DNAH1: variants seen among roughly 807,000 people sequenced by gnomAD.
The protein encoded by DNAH1 is dynein axonemal heavy chain 1.
DNAH1 carries 327 observed loss-of-function variants against 484.3 expected under a neutral mutation model. The observed-to-expected ratio is 0.68, with a 90% CI of 0.62 to 0.74. The LOEUF is 0.74. DNAH1 is among the 30% of genes least tolerant of loss of function. DNAH1 has a pLI of 0.00. For synonymous variants in DNAH1, 2,192 were observed against 2,191.9 expected, an observed-to-expected ratio of 1.00 and a Z score of 0.00; for missense variants, 5,052 against 5,546.8, an observed-to-expected ratio of 0.91 and a Z score of 2.83.
rs570044937 is a variant in DNAH1 at position 52,368,773 on chromosome 3, C to T, written c.5798C>T (p.Ala1933Val). 6.8e-6 allele frequency: 11 copies of T among 1,613,884 alleles called. No homozygotes were observed. The highest frequency in any genetic ancestry group is 2.7e-5 in the African/African-American group (2 of 75,032). Reference protein sequence around the residue: ...TDGIFSSFIRAGAITSDTNKK... With the variant: ...TDGIFSSFIRVGAITSDTNKK... The stretch of plus-strand genomic sequence containing the variant: ...GGGATATTCTCCTCGTTCATCCGGG[C>T]GGGGGCCATCACCTCCGACACCAAC... The change falls in exon 37 of 78, where the codon GCG (alanine) becomes GTG (valine). Residue 1933 changes from alanine to valine, a missense_variant. By Grantham distance (64) the Ala-to-Val change is moderately conservative. Around this residue, in one of 4 missense-constraint regions of DNAH1, gnomAD observed 2,929 missense variants for 3,409.4 expected, o/e 0.86. Transcript: ENST00000420323. The surrounding 1 kb of genome is among the most constrained non-coding windows in gnomAD (Gnocchi z 4.4).
chr3:52,383,695 G>A lies in DNAH1; in HGVS notation c.8150+101G>A, dbSNP rs531276614. 4.5e-5 allele frequency: 64 copies of A among 1,416,638 alleles called. No homozygotes were observed. In the African/African-American group the frequency reaches 8.9e-4, roughly 20 times the overall value. 87.8% of individuals were successfully genotyped at this position (1,416,638 alleles called of 1,614,324 possible). ...GATGCCATGCGCTGGGGCCTGAGAT[G>A]AGGAGACGCGGCCCTGGGCCTGGCC... On this transcript the variant is annotated intron_variant, in intron 51 of 77. Coordinates refer to ENST00000420323, the MANE Select transcript of DNAH1 (RefSeq NM_015512.5).
At chr3:52,356,886 C>A in intron 22 of DNAH1, 108 bp downstream of exon 22, 1 of 1,358,440 alleles carries the variant, frequency 7.4e-7, no homozygotes, top group Non-Finnish European at 1.0e-6. Flanking sequence ...GGCTGGTGGA[C>A]AAGCCTGAGG....
intron 37 of DNAH1, 51 bp from the exon 38 acceptor site, chr3:52,369,774 A>G: frequency 3.8e-6 from 6 of 1,558,914 alleles, no homozygotes; most frequent in South Asian, 1.2e-5. Context: ...CCCTTTCTCC[A>G]GGCCTGAGGA....
At position 52,316,559 on chromosome 3, in the gene DNAH1, C is replaced by T. The variant is rs1386575871; in HGVS notation, c.-35+14C>T. On this transcript the variant is annotated intron_variant, in intron 1 of 77. Transcript: ENST00000420323. ...AGGTCTTGAAGGGTGAGTAGGAGTC[C>T]GCCAGATGCAGGAGTGGATGGAGAC... is the stretch of plus-strand genomic sequence containing the variant. 1 of 152,190 alleles carries T rather than the reference C, an allele frequency of 6.6e-6. No individual in the cohort carries two copies. Among genetic ancestry groups the T allele is most frequent in the Admixed American group, 6.5e-5 (1 of 15,272 alleles). 9.4% of individuals were successfully genotyped at this position (152,190 alleles called of 1,614,324 possible).
Position 52,359,234 on chromosome 3 carries a change from C to T in DNAH1, c.4267-12C>T, listed in dbSNP as rs745613097. 1.3e-6 allele frequency: 2 copies of T among 1,562,112 alleles called. No homozygotes were observed. The highest frequency in any genetic ancestry group is 1.7e-6 in the Non-Finnish European group (2 of 1,152,568). On this transcript the variant is annotated splice_polypyrimidine_tract_variant and intron_variant, in intron 25 of 77. Transcript: ENST00000420323. The stretch of plus-strand genomic sequence containing the variant: ...GGCTGTCCAGGTCAGCCTGCCCATG[C>T]TGTCTTCCCAGATGCCCAGGACCCA...
rs1355914891 is a variant in DNAH1, at chr3:52,344,353, G to T, written c.1287-137G>T. ...GGAGGTTAGTGGCTCAGGGCCGGGT[G>T]GGGGTGTGCCCATGAATCCAGAAGG... On this transcript the variant is annotated intron_variant, in intron 8 of 77. Transcript: ENST00000420323. The T allele has an allele frequency of 3.8e-6, 4 of 1,040,748 alleles. No individual in the cohort carries two copies. The African/African-American group carries it at 4.8e-5, about 13-fold the overall frequency. 64.5% of individuals were successfully genotyped at this position (1,040,748 alleles called of 1,614,324 possible).
Position 52,357,745 on chromosome 3 carries a change from A to G in DNAH1, c.3980+10A>G. On this transcript the variant is annotated intron_variant, in intron 23 of 77. Coordinates refer to ENST00000420323, the MANE Select transcript of DNAH1 (RefSeq NM_015512.5). Reference sequence around the variant, plus strand: ...GGAGCGCCTTCCCCAGGTGGGCGCCACCTGGCCATGCCCACTCCGCCACTG... The same window carrying G: ...GGAGCGCCTTCCCCAGGTGGGCGCCGCCTGGCCATGCCCACTCCGCCACTG... The G allele has an allele frequency of 1.3e-6, 2 of 1,573,210 alleles. No homozygotes were observed. Among genetic ancestry groups the G allele is most frequent in the Non-Finnish European group, 1.7e-6 (2 of 1,159,396 alleles).
intron 3 of DNAH1, among the ~76,000 whole-genome samples, chr3:52,325,900 G>T (rs1229357790): frequency 1.3e-5 from 2 of 152,130 alleles, no homozygotes; most frequent in African/African-American, 4.8e-5. Context: ...TGCTGGCTCT[G>T]GACAGGGAGA....
At chr3:52,388,754 C>T (rs765039898) in intron 58 of DNAH1, 52 bp from the exon 59 acceptor site, 1 of 1,608,670 alleles carries the variant, frequency 6.2e-7, no homozygotes, top group South Asian at 1.1e-5. Context: ...GGGCCAGCCC[C>T]AGGCCCCTAG....
chr3:52,369,962 T>C lies in DNAH1; in HGVS notation c.6081T>C (p.Pro2027=). ...TCGAGTGCTGGCTGAGGAAGCTGCCTCCCTTGCTGAAGCCCTATGAGGAGC... is the reference window on the plus strand; with the variant it reads ...TCGAGTGCTGGCTGAGGAAGCTGCCCCCCTTGCTGAAGCCCTATGAGGAGC... ...PFIECWLRKL[P]PLLKPYEEHF... The change falls in exon 38 of 78, where the codon CCT becomes CCC. Residue 2027 remains proline (P), a synonymous_variant. Coordinates refer to ENST00000420323, the MANE Select transcript of DNAH1 (RefSeq NM_015512.5). 6.2e-7 allele frequency: 1 copy of C among 1,613,958 alleles called. No individual in the cohort carries two copies. The highest frequency in any genetic ancestry group is 8.5e-7 in the Non-Finnish European group (1 of 1,179,888).
intron 14 of DNAH1, 109 bp downstream of exon 14, chr3:52,349,529 C>T: frequency 9.5e-7 from 1 of 1,050,192 alleles, no homozygotes; most frequent in South Asian, 1.5e-5. Flanking sequence ...TCTGGGGTGT[C>T]TGTGGATGCC....
Position 52,370,591 on chromosome 3 carries a change from A to C in DNAH1, c.6373A>C (p.Thr2125Pro), listed in dbSNP as rs1578158970. Residue 2125 changes from threonine (T) to proline (P), a missense_variant, in exon 40 of 78, where the codon ACC (threonine) becomes CCC (proline). Thr to Pro is a conservative substitution (Grantham distance 38, BLOSUM62 -1). Around this residue, in one of 4 missense-constraint regions of DNAH1, gnomAD observed 2,929 missense variants for 3,409.4 expected, o/e 0.86. Coordinates refer to ENST00000420323, the MANE Select transcript of DNAH1 (RefSeq NM_015512.5). ...TGCCACTGGGGACAGCAGTGGCCGC[A>C]CCAGTTTCAGCCACTGGCTAAGGCT... ...VGATGDSSGRTSFSHWLRLKM... is the reference protein window; with the variant it reads ...VGATGDSSGRPSFSHWLRLKM... The C allele has an allele frequency of 6.2e-7, 1 of 1,613,126 alleles. No homozygotes were observed. Among genetic ancestry groups the C allele is most frequent in the Non-Finnish European group, 8.5e-7 (1 of 1,179,516 alleles).
At chr3:52,393,227 C>T in intron 65 of DNAH1, 107 bp from the exon 66 acceptor site, 1 of 1,554,416 alleles carries the variant, frequency 6.4e-7, no homozygotes, top group Non-Finnish European at 8.8e-7. Flanking sequence ...AAGAGGAGGC[C>T]CAGGCTGCCC....
intron 53 of DNAH1, 112 bp from the exon 54 acceptor site, chr3:52,385,225 C>A: frequency 8.6e-7 from 1 of 1,164,946 alleles, no homozygotes; most frequent in Non-Finnish European, 1.2e-6. Flanking sequence ...ATGTGGGGGC[C>A]ACCGAAGCTG....
chr3:52,381,937 C>T lies in DNAH1; in HGVS notation c.7805+101C>T, dbSNP rs1232123514. ...ACAGTGGTAGAGGCCTCGGGCAACC[C>T]TGAAGTAGGCCCGTGCAGCCTACAG... On this transcript the variant is annotated intron_variant, in intron 49 of 77. Coordinates refer to ENST00000420323, the MANE Select transcript of DNAH1 (RefSeq NM_015512.5). This position sits in a 1 kb window ranked among gnomAD's most constrained non-coding sequence, Gnocchi z 4.1. The T allele has an allele frequency of 7.1e-6, 9 of 1,268,702 alleles. No homozygotes were observed. The highest frequency in any genetic ancestry group is 1.1e-6 in the Non-Finnish European group (1 of 933,230). The allele number at this position is 1,268,702 out of a possible 1,614,324, so 78.6% of individuals were successfully genotyped here.
Position 52,362,359 on chromosome 3 carries a change from C to G in DNAH1, c.4981-29C>G, listed in dbSNP as rs944232400. 1.6e-5 allele frequency: 26 copies of G among 1,598,442 alleles called. No homozygotes were observed. Among genetic ancestry groups the G allele is most frequent in the Non-Finnish European group, 2.2e-5 (26 of 1,170,190 alleles). On this transcript the variant is annotated intron_variant, in intron 30 of 77. Coordinates refer to ENST00000420323, the MANE Select transcript of DNAH1 (RefSeq NM_015512.5). This position sits in a 1 kb window ranked among gnomAD's most constrained non-coding sequence, Gnocchi z 5.1. ...GGGGACAAGGCTGGGCACCCTAGTCCCAGGCAAGTCAGCCTCTCCCCACTG... is the reference window on the plus strand; with the variant it reads ...GGGGACAAGGCTGGGCACCCTAGTCGCAGGCAAGTCAGCCTCTCCCCACTG...
chr3:52,398,176 C>T lies in DNAH1; in HGVS notation c.12089+14C>T, dbSNP rs1234996688. The stretch of plus-strand genomic sequence containing the variant: ...AGAGGTCATTAGGTAATCACCCCGC[C>T]ATACCCCTGCCCCGAGTCAGCGGCC... On this transcript the variant is annotated intron_variant, in intron 75 of 77. Transcript: ENST00000420323. 1.3e-6 allele frequency: 2 copies of T among 1,596,856 alleles called. No homozygotes were observed. The highest frequency in any genetic ancestry group is 2.7e-5 in the African/African-American group (2 of 74,756).
chr3:52,352,986 A>T (rs1260584834), intron 18 of DNAH1, 117 bp from the exon 19 acceptor site: 15 of 1,117,304 alleles, frequency 1.3e-5, no homozygotes, highest in Non-Finnish European at 1.6e-5. Flanking sequence ...GGGCACGGTC[A>T]GGGACATCAG....
Position 52,399,695 on chromosome 3 carries a change from A to T in DNAH1, c.12592A>T (p.Ile4198Phe). ...GGAGCTGTACACAGAGATGGCCGTT[A>T]TCTGGCTCTTGCCAACACCCAACCG... ...PKELYTEMAV[I>F]WLLPTPNRKA... is the part of the protein sequence containing the mutation. The change falls in exon 77 of 78, where the codon ATC (isoleucine) becomes TTC (phenylalanine). Residue 4198 changes from isoleucine to phenylalanine, a missense_variant. By Grantham distance (21) the Ile-to-Phe change is conservative. Transcript: ENST00000420323. 5 of 1,614,020 alleles carry T rather than the reference A, an allele frequency of 3.1e-6. No homozygotes were observed. The highest frequency in any genetic ancestry group is 4.2e-6 in the Non-Finnish European group (5 of 1,179,896).
Sources: allele counts gnomAD v4.1 joint callset (sites outside exome capture counted in the v4.1 genomes callset), GRCh38; gene constraint gnomAD v4.1.1; regional missense constraint gnomAD v4.1.1; non-coding constraint Gnocchi (gnomAD v3.1); transcripts MANE v1.5; gene names NCBI Gene and HGNC (gene_info 2026-07-23, HGNC 2026-07-21).